The following CACNA1E variants were observed in gnomAD, a reference collection of about 807,000 sequenced individuals.
CACNA1E encodes voltage-dependent R-type calcium channel subunit alpha-1E.
CACNA1E carries 40 observed loss-of-function variants against 259.2 expected under a neutral mutation model. The observed-to-expected ratio is 0.15, with a 90% CI of 0.12 to 0.20. The LOEUF (loss-of-function observed/expected upper bound fraction) is 0.20. Ranked by LOEUF, CACNA1E falls within the 10% of genes least tolerant of loss-of-function variation. The probability of loss-of-function intolerance (pLI) is 1.00; values close to 1 mark genes in which losing one functional copy is unlikely to be tolerated. For missense variants in CACNA1E, 1,874 were observed against 3,040.1 expected, an observed-to-expected ratio of 0.62 and a Z score of 9.02; for synonymous variants, 1,104 against 1,138.5, an observed-to-expected ratio of 0.97 and a Z score of 0.61.
At chr1:181,590,162 G>A (rs1476495518) in intron 6 of CACNA1E, among the ~76,000 whole-genome samples, 3 of 152,042 alleles carry the variant, frequency 2.0e-5, no homozygotes, top group Admixed American at 2.0e-4. Flanking sequence ...TGATTGACAT[G>A]TGTGCCCTCA....
intron 2 of CACNA1E, 112 bp downstream of exon 2, chr1:181,510,694 T>C: frequency 1.4e-6 from 1 of 709,148 alleles, no homozygotes; most frequent in Non-Finnish European, 2.5e-6. Context: ...GGGAGGAGTT[T>C]GCTCTTTGCT....
intron 6 of CACNA1E, among the ~76,000 whole-genome samples, chr1:181,612,036 G>A (rs1275713468): frequency 6.6e-6 from 1 of 152,214 alleles, no homozygotes; most frequent in East Asian, 1.9e-4. Context: ...AGACTGTCAA[G>A]TCACCCTACA....
At chr1:181,605,285 T>A (rs113730726) in intron 6 of CACNA1E, among the ~76,000 whole-genome samples, 1 of 118,808 alleles carries the variant, frequency 8.4e-6, no homozygotes, top group Admixed American at 1.2e-4. Flanking sequence ...CCACATGCAA[T>A]TGGGGAGACA....
intron 3 of CACNA1E, among the ~76,000 whole-genome samples, chr1:181,544,992 G>T (rs556508979): frequency 1.2e-4 from 19 of 152,252 alleles, no homozygotes; most frequent in African/African-American, 4.6e-4. Flanking sequence ...TGTTTAAAAT[G>T]AAAAATTTGG....
At chr1:181,461,135 A>G (rs1661773707) in intron 2 of CACNA1E, among the ~76,000 whole-genome samples, 1 of 152,206 alleles carries the variant, frequency 6.6e-6, no homozygotes, top group African/African-American at 2.4e-5. Context: ...AGATCATTAC[A>G]AAACATTCCT....
intron 2 of CACNA1E, among the ~76,000 whole-genome samples, chr1:181,425,307 TC>T (rs1659085576): frequency 6.6e-6 from 1 of 151,606 alleles, no homozygotes; most frequent in Non-Finnish European, 1.5e-5. Flanking sequence ...TCCAGGGCCT[TC>T]CCCCTCCCTG....
chr1:181,338,170 CT>C (rs1216624535), intron 1 of CACNA1E, among the ~76,000 whole-genome samples: 1 of 152,202 alleles, frequency 6.6e-6, no homozygotes, highest in African/African-American at 2.4e-5. Context: ...ACTGCAACCT[CT>C]GCCTCCCAGG....
intron 7 of CACNA1E, among the ~76,000 whole-genome samples, chr1:181,669,433 C>T (rs1252308401): frequency 6.6e-6 from 1 of 152,200 alleles, no homozygotes; most frequent in Non-Finnish European, 1.5e-5. Flanking sequence ...CAGCCACTTC[C>T]ACCCACTGCT....
intron 25 of CACNA1E, among the ~76,000 whole-genome samples, chr1:181,745,725 G>C (rs1302001835): frequency 6.6e-6 from 1 of 152,096 alleles, no homozygotes; most frequent in Non-Finnish European, 1.5e-5. Context: ...AAGTGTATTG[G>C]GTGGACTTCC....
At chr1:181,563,707 AG>A (rs1649542293) in intron 3 of CACNA1E, among the ~76,000 whole-genome samples, 1 of 152,190 alleles carries the variant, frequency 6.6e-6, no homozygotes, top group African/African-American at 2.4e-5. Flanking sequence ...TCAAGAAAAA[AG>A]CTTGCACACT....
chr1:181,397,126 C>G (rs1656730787), intron 1 of CACNA1E, among the ~76,000 whole-genome samples: 1 of 152,142 alleles, frequency 6.6e-6, no homozygotes, highest in Admixed American at 6.5e-5. Flanking sequence ...CAGACCTTCA[C>G]AGTAAAAAAG....
chr1:181,566,399 A>C (rs1485490501), intron 3 of CACNA1E, among the ~76,000 whole-genome samples: 2 of 152,214 alleles, frequency 1.3e-5, no homozygotes, highest in Non-Finnish European at 2.9e-5. Flanking sequence ...TCTTTTTGTT[A>C]TCACCTGGGC....
chr1:181,678,325 A>G (rs952898916), intron 7 of CACNA1E, among the ~76,000 whole-genome samples: 1 of 152,170 alleles, frequency 6.6e-6, no homozygotes, highest in Non-Finnish European at 1.5e-5. Flanking sequence ...TTTTTAAAAG[A>G]GCTTTTTTGT....
intron 3 of CACNA1E, among the ~76,000 whole-genome samples, chr1:181,565,853 G>T (rs767573418): frequency 6.7e-6 from 1 of 150,102 alleles, no homozygotes; most frequent in East Asian, 2.0e-4. Context: ...TCCCTGACTA[G>T]CCATCTCACA....
rs144091161 is a variant in CACNA1E, at chr1:181,508,648, C to T, written c.267-1829C>T. Among the ~76,000 whole-genome samples, 762 of 152,174 alleles carry T rather than the reference C, an allele frequency of 5.0e-3. 9 individuals carry two copies. The highest frequency in any genetic ancestry group is 0.015 in the African/African-American group (614 of 41,514). On this transcript the variant is annotated intron_variant, in intron 1 of 47. Coordinates refer to ENST00000367573, the MANE Select transcript of CACNA1E (RefSeq NM_001205293.3). ...TGGGAGGGGAGGAGCACTCCTCCTG[C>T]GATCAGTGGGCATGGGTGGCCCTTG...
At chr1:181,545,990 C>G (rs1037562716) in intron 3 of CACNA1E, among the ~76,000 whole-genome samples, 5 of 151,956 alleles carry the variant, frequency 3.3e-5, no homozygotes, top group African/African-American at 1.2e-4. Context: ...AGAGAGCCAT[C>G]CTGAGATGTG....
intron 34 of CACNA1E, among the ~76,000 whole-genome samples, chr1:181,764,642 A>G (rs1658874339): frequency 6.6e-6 from 1 of 152,236 alleles, no homozygotes; most frequent in Non-Finnish European, 1.5e-5. Flanking sequence ...GTTTGGCGTA[A>G]TGACTCCCAC....
At position 181,790,567 on chromosome 1, in the gene CACNA1E, G is replaced by A. The variant is rs2102870284; in HGVS notation, c.5898+11G>A. ...GAACGGCAGTCTCTGGTGAATGCATGAGTTATATGACCTCAAAACTACTTC... is the reference window on the plus strand; with the variant it reads ...GAACGGCAGTCTCTGGTGAATGCATAAGTTATATGACCTCAAAACTACTTC... On this transcript the variant is annotated intron_variant, in intron 44 of 47. Coordinates refer to ENST00000367573, the MANE Select transcript of CACNA1E (RefSeq NM_001205293.3). 6.8e-7 allele frequency: 1 copy of A among 1,466,532 alleles called. No individual in the cohort carries two copies. Among genetic ancestry groups the A allele is most frequent in the African/African-American group, 1.4e-5 (1 of 72,808 alleles). 90.8% of individuals were successfully genotyped at this position (1,466,532 alleles called of 1,614,324 possible). A position where few individuals can be genotyped will look rare whatever the true frequency, so the allele number is the denominator to read the frequency against.
chr1:181,492,941 A>G (rs1160159257), intron 1 of CACNA1E, among the ~76,000 whole-genome samples: 1 of 152,148 alleles, frequency 6.6e-6, no homozygotes, highest in Non-Finnish European at 1.5e-5. Context: ...GACCTGAATA[A>G]ATGTCTGAGT....
Sources: allele counts gnomAD v4.1 joint callset (sites outside exome capture counted in the v4.1 genomes callset), GRCh38; gene constraint gnomAD v4.1.1; transcripts MANE v1.5; gene names NCBI Gene and HGNC (gene_info 2026-07-23, HGNC 2026-07-21).